ABLIM2: variants seen among roughly 807,000 people sequenced by gnomAD.
ABLIM2 encodes actin-binding LIM protein 2.
ABLIM2 carries 53 observed loss-of-function variants against 97.7 expected under a neutral mutation model. The observed-to-expected ratio is 0.54, with a 90% CI of 0.44 to 0.68. ABLIM2 has a LOEUF of 0.68. ABLIM2 is among the 30% of genes least tolerant of loss of function. ABLIM2 has a pLI of 0.00. For missense variants in ABLIM2, 835 were observed against 867.2 expected, an observed-to-expected ratio of 0.96 and a Z score of 0.47; for synonymous variants, 361 against 345.8, an observed-to-expected ratio of 1.04 and a Z score of -0.49.
At position 8,005,164 on chromosome 4, in the gene ABLIM2, G is replaced by A. The variant is rs1578413420; in HGVS notation, c.1618+2895C>T. Reference sequence around the variant, plus strand: ...CCCTTGCGAAGCCAAAGAGGTGCCCGGCGGGCAGGCGGCGGCGGGATGCGT... The same window carrying A: ...CCCTTGCGAAGCCAAAGAGGTGCCCAGCGGGCAGGCGGCGGCGGGATGCGT... On this transcript the variant is annotated intron_variant, in intron 16 of 20. Coordinates refer to ENST00000447017, the MANE Select transcript of ABLIM2 (RefSeq NM_001130083.2). The surrounding 1 kb of genome is among the most constrained non-coding windows in gnomAD (Gnocchi z 4.9). The A allele has an allele frequency of 3.5e-5, 13 of 371,936 alleles. 1 individual carries two copies. The highest frequency in any genetic ancestry group is 2.2e-4 in the South Asian group (11 of 50,676). The allele number at this position is 371,936 out of a possible 1,614,324, so 23.0% of individuals were successfully genotyped here.
chr4:7,973,105 G>GTGTGTGTGTGTGTGTGTA (rs1560327054), intron 20 of ABLIM2, among the ~76,000 whole-genome samples: 1 of 151,572 alleles, frequency 6.6e-6, no homozygotes, highest in African/African-American at 2.4e-5. Context: ...GTGTGTGTGT[G>GTGTGTGTGTGTGTGTGTA]TGTGTGTAGG....
At chr4:8,152,667 C>T (rs906131313) in intron 1 of ABLIM2, among the ~76,000 whole-genome samples, 2 of 152,238 alleles carry the variant, frequency 1.3e-5, no homozygotes, top group South Asian at 2.1e-4. Flanking sequence ...GGGACAGCCG[C>T]GTCCATCATG....
At chr4:8,008,863 T>C (rs1315437003) in intron 15 of ABLIM2, among the ~76,000 whole-genome samples, 187 bp downstream of exon 15, 2 of 152,170 alleles carry the variant, frequency 1.3e-5, no homozygotes, top group African/African-American at 2.4e-5. Context: ...AGGACCTCGG[T>C]AGGAGACGTG....
chr4:7,980,338 T>C lies in ABLIM2; in HGVS notation c.1824+2926A>G, dbSNP rs145343544. Among the ~76,000 whole-genome samples, 992 of 152,256 alleles carry C rather than the reference T, an allele frequency of 6.5e-3. 5 individuals are homozygous for C. The highest frequency in any genetic ancestry group is 0.023 in the African/African-American group (941 of 41,532). On this transcript the variant is annotated intron_variant, in intron 20 of 20. Transcript: ENST00000447017. ...ATACCAAATTCCTGTATGACTCTAGTATAGCATCACATGACAGAGAGCAGG... is the reference window on the plus strand; with the variant it reads ...ATACCAAATTCCTGTATGACTCTAGCATAGCATCACATGACAGAGAGCAGG...
In ABLIM2 at chr4:8,015,572, A is replaced by G. The variant is rs1410677207; in HGVS notation, c.1423+4046T>C. Among the ~76,000 whole-genome samples, 1 of 152,240 alleles carries G rather than the reference A, an allele frequency of 6.6e-6. No homozygotes were observed. The highest frequency in any genetic ancestry group is 2.4e-5 in the African/African-American group (1 of 41,462). The stretch of plus-strand genomic sequence containing the variant: ...CCAGAGACACAGCAAGGAGTGATTA[A>G]TTCCTGCTTTAAACCAGGGCACAAA... On this transcript the variant is annotated intron_variant, in intron 14 of 20. Coordinates refer to ENST00000447017, the MANE Select transcript of ABLIM2 (RefSeq NM_001130083.2). This position sits in a 1 kb window ranked among gnomAD's most constrained non-coding sequence, Gnocchi z 4.6.
rs912465171 is a variant in ABLIM2 at position 7,992,792 on chromosome 4, A to G, written c.1680+74T>C. The G allele has an allele frequency of 1.3e-6, 2 of 1,528,394 alleles. No individual in the cohort carries two copies. 94.7% of individuals were successfully genotyped at this position (1,528,394 alleles called of 1,614,324 possible). A position where few individuals can be genotyped will look rare whatever the true frequency, so the allele number is the denominator to read the frequency against. ...GGCCTCTCCTCCTGCTGTGTGGTCA[A>G]GAAGCTGTGGGAAACGTGCTCAGCC... On this transcript the variant is annotated intron_variant, in intron 17 of 20. Coordinates refer to ENST00000447017, the MANE Select transcript of ABLIM2 (RefSeq NM_001130083.2). The surrounding 1 kb of genome is among the most constrained non-coding windows in gnomAD (Gnocchi z 5.7).
chr4:8,091,760 ATATT>A (rs1828678786), intron 3 of ABLIM2, among the ~76,000 whole-genome samples: 1 of 80,214 alleles, frequency 1.2e-5, no homozygotes, highest in Non-Finnish European at 2.1e-5. Context: ...TTAATATTAT[ATATT>A]TATTATGCAT....
chr4:8,110,704 T>C (rs918594205), intron 1 of ABLIM2, among the ~76,000 whole-genome samples: 6 of 152,112 alleles, frequency 3.9e-5, no homozygotes, highest in Non-Finnish European at 5.9e-5. Context: ...GCTAAGAGCA[T>C]GGATTTGCTT....
intron 2 of ABLIM2, among the ~76,000 whole-genome samples, chr4:8,106,256 C>A (rs1478840992): frequency 6.6e-6 from 1 of 152,114 alleles, no homozygotes; most frequent in African/African-American, 2.4e-5. Context: ...ACGAGGACAC[C>A]CCTAGGGACC....
chr4:8,129,736 C>T (rs182023491), intron 1 of ABLIM2, among the ~76,000 whole-genome samples: 1,914 of 121,296 alleles, frequency 0.016, 20 homozygotes, highest in Non-Finnish European at 0.021. Flanking sequence ...TATGCTCCCT[C>T]TCTCTCTCTC....
At chr4:7,967,842 T>A (rs1724197073) in intron 20 of ABLIM2, among the ~76,000 whole-genome samples, 1 of 152,176 alleles carries the variant, frequency 6.6e-6, no homozygotes. Context: ...GAGGAAGGCG[T>A]GGACATAGGT....
intron 6 of ABLIM2, among the ~76,000 whole-genome samples, chr4:8,062,851 T>C (rs1448445175): frequency 6.6e-6 from 1 of 152,182 alleles, no homozygotes; most frequent in Non-Finnish European, 1.5e-5. Flanking sequence ...GCTCACTGCA[T>C]TCATAATGAG....
intron 13 of ABLIM2, among the ~76,000 whole-genome samples, 165 bp downstream of exon 13, chr4:8,020,037 C>G (rs1772407561): frequency 7.4e-6 from 1 of 135,734 alleles, no homozygotes; most frequent in Non-Finnish European, 1.7e-5. Context: ...TGTGAAAACC[C>G]GTCTGATGGT....
At chr4:8,017,077 G>A (rs1769880722) in intron 14 of ABLIM2, among the ~76,000 whole-genome samples, 1 of 152,082 alleles carries the variant, frequency 6.6e-6, no homozygotes, top group South Asian at 2.1e-4. Context: ...ATGGTGTGTG[G>A]AAACACAAAA....
chr4:8,072,989 C>G lies in ABLIM2; in HGVS notation c.675+4639G>C, dbSNP rs1813318356. ...AGGTGGAGGAGCACAGAGAGGGTCT[C>G]TGAGAGGCAGTGGGGCCGGTGCGAA... On this transcript the variant is annotated intron_variant, in intron 6 of 20. Coordinates refer to ENST00000447017, the MANE Select transcript of ABLIM2 (RefSeq NM_001130083.2). This position sits in a 1 kb window ranked among gnomAD's most constrained non-coding sequence, Gnocchi z 5.8. Among the ~76,000 whole-genome samples the G allele has an allele frequency of 6.6e-6, 1 of 152,084 alleles. No homozygotes were observed. Among genetic ancestry groups the G allele is most frequent in the Admixed American group, 6.5e-5 (1 of 15,268 alleles).
chr4:8,045,604 G>A (rs544264058), intron 8 of ABLIM2, among the ~76,000 whole-genome samples: 2 of 152,184 alleles, frequency 1.3e-5, no homozygotes, highest in South Asian at 4.1e-4. Context: ...CCAAGATCGC[G>A]CCACTGCACT....
At chr4:8,027,461 G>C (rs1021175078) in intron 12 of ABLIM2, among the ~76,000 whole-genome samples, 2 of 152,216 alleles carry the variant, frequency 1.3e-5, no homozygotes, top group Non-Finnish European at 2.9e-5. Flanking sequence ...ACTTGGGTAG[G>C]GGTTCTGAGG....
chr4:8,107,973 G>T (rs1420380275), intron 1 of ABLIM2, among the ~76,000 whole-genome samples: 1 of 152,212 alleles, frequency 6.6e-6, no homozygotes, highest in Non-Finnish European at 1.5e-5. Context: ...GGAGCCTTGG[G>T]AACTAGAAAA....
rs189560924 is a variant in ABLIM2, at chr4:8,147,234, G to A, written c.10+11446C>T. Among the ~76,000 whole-genome samples the A allele has an allele frequency of 3.3e-5, 5 of 152,272 alleles. No homozygotes were observed. The highest frequency in any genetic ancestry group is 7.2e-5 in the African/African-American group (3 of 41,556). On this transcript the variant is annotated intron_variant, in intron 1 of 20. Transcript: ENST00000447017. The surrounding 1 kb of genome is among the most constrained non-coding windows in gnomAD (Gnocchi z 5.3). The stretch of plus-strand genomic sequence containing the variant: ...TGTGACAGGATCTAACTCCCGGGAC[G>A]TTTAAATTTAGCGAGTAACATTTTT...
Sources: allele counts gnomAD v4.1 joint callset (sites outside exome capture counted in the v4.1 genomes callset), GRCh38; gene constraint gnomAD v4.1.1; non-coding constraint Gnocchi (gnomAD v3.1); transcripts MANE v1.5; gene names NCBI Gene and HGNC (gene_info 2026-07-23, HGNC 2026-07-21).